Variants in SCMH1 observed in about 807,000 individuals in gnomAD.
SCMH1 encodes Scm polycomb group protein homolog 1.
A neutral mutation model predicts 70.8 loss-of-function variants in SCMH1; 37 were observed. That is an observed-to-expected ratio of 0.52 (90% CI 0.40 to 0.69). The LOEUF (loss-of-function observed/expected upper bound fraction) is 0.69. SCMH1 is among the 30% of genes least tolerant of loss of function. SCMH1 has a pLI of 0.00. For synonymous variants in SCMH1, 292 were observed against 307.4 expected (o/e 0.95, Z 0.52); for missense variants, 607 against 827.3 (o/e 0.73, Z 3.27).
intron 4 of SCMH1, among the ~76,000 whole-genome samples, chr1:41,154,412 A>G (rs1420737025): frequency 6.6e-6 from 1 of 152,182 alleles, no homozygotes; most frequent in Non-Finnish European, 1.5e-5. Flanking sequence ...TAATCCTTCC[A>G]AGCCTAAGTT....
At chr1:41,117,390 C>A (rs558459217) in intron 6 of SCMH1, among the ~76,000 whole-genome samples, 1 of 152,162 alleles carries the variant, frequency 6.6e-6, no homozygotes, top group African/African-American at 2.4e-5. Flanking sequence ...CTTGGTCTAG[C>A]GGTAACACCA....
At chr1:41,074,212 A>G (rs984225987) in intron 9 of SCMH1, among the ~76,000 whole-genome samples, 12 of 152,028 alleles carry the variant, frequency 7.9e-5, no homozygotes, top group African/African-American at 2.7e-4. Context: ...CTAGAATACT[A>G]GAAGTGTTGT....
intron 2 of SCMH1, among the ~76,000 whole-genome samples, chr1:41,183,123 T>C (rs1649282634): frequency 6.6e-6 from 1 of 152,224 alleles, no homozygotes; most frequent in Non-Finnish European, 1.5e-5. Context: ...TAATCCCTCT[T>C]GTCCTCCAAA....
At chr1:41,209,945 T>C (rs752604044) in intron 1 of SCMH1, among the ~76,000 whole-genome samples, 6 of 152,232 alleles carry the variant, frequency 3.9e-5, no homozygotes, top group Non-Finnish European at 7.3e-5. Flanking sequence ...GATGACATGA[T>C]TGCATATTTA....
rs180753293 is a variant in SCMH1 at position 41,084,319 on chromosome 1, C to G, written c.746-8868G>C. On this transcript the variant is annotated intron_variant, in intron 8 of 14. Coordinates refer to ENST00000337495, the Ensembl canonical transcript of SCMH1. ...ACCCCATCAAAAAGTGGGCGAAGGACATGAACAGACCCTTCTCAAAAGAAG... is the reference window on the plus strand; with the variant it reads ...ACCCCATCAAAAAGTGGGCGAAGGAGATGAACAGACCCTTCTCAAAAGAAG... Among the ~76,000 whole-genome samples the G allele has an allele frequency of 1.1e-4, 16 of 152,264 alleles. No individual in the cohort carries two copies. The East Asian group carries it at 3.1e-3, about 29-fold the overall frequency.
At chr1:41,093,554 T>A in intron 8 of SCMH1, among the ~76,000 whole-genome samples, 1 of 152,274 alleles carries the variant, frequency 6.6e-6, no homozygotes, top group African/African-American at 2.4e-5. Context: ...ATGTGAAAGT[T>A]GAAATAATAC....
chr1:41,111,681 C>T (rs976205487), intron 8 of SCMH1, among the ~76,000 whole-genome samples: 2 of 152,136 alleles, frequency 1.3e-5, no homozygotes, highest in African/African-American at 4.8e-5. Context: ...ATTCTAGTCA[C>T]AGCAGTCTGC....
At chr1:41,084,302 A>G (rs1229663557) in intron 8 of SCMH1, among the ~76,000 whole-genome samples, 1 of 152,222 alleles carries the variant, frequency 6.6e-6, no homozygotes, top group African/African-American at 2.4e-5. Context: ...CAACCCCATC[A>G]AAAAGTGGGC....
At chr1:41,218,451 T>G (rs1469880743) in intron 1 of SCMH1, among the ~76,000 whole-genome samples, 1 of 152,030 alleles carries the variant, frequency 6.6e-6, no homozygotes, top group Non-Finnish European at 1.5e-5. Flanking sequence ...AGCCAGAGAC[T>G]GGAGTAATAC....
In SCMH1 at chr1:41,048,688, A is replaced by G. The variant is rs1647134803; in HGVS notation, c.1306+2T>C. On this transcript the variant is annotated splice_donor_variant, in intron 11 of 14. Transcript: ENST00000337495. LOFTEE classifies it high-confidence loss of function. ...AGGCAATATGAGCCAAAGTGTGCTT[A>G]CCTGAGATAACCTCACCACCATGGC... The G allele has an allele frequency of 1.2e-6, 2 of 1,613,566 alleles. No homozygotes were observed. The highest frequency in any genetic ancestry group is 1.3e-5 in the African/African-American group (1 of 74,904).
chr1:41,162,663 C>A (rs1197899741), intron 2 of SCMH1: 2 of 152,210 alleles, frequency 1.3e-5, no homozygotes, highest in Admixed American at 1.3e-4. Context: ...GAGGAGCCAC[C>A]CACTCTAGGG....
At chr1:41,104,788 A>C (rs1443629128) in intron 8 of SCMH1, among the ~76,000 whole-genome samples, 1 of 152,090 alleles carries the variant, frequency 6.6e-6, no homozygotes, top group African/African-American at 2.4e-5. Flanking sequence ...GCTTATTAGG[A>C]AAAAAAGCTG....
intron 10 of SCMH1, among the ~76,000 whole-genome samples, chr1:41,069,826 T>C (rs569793033): frequency 4.6e-5 from 7 of 152,310 alleles, no homozygotes; most frequent in African/African-American, 1.7e-4. Context: ...TGGGAAACTA[T>C]GTCTGAGCCT....
intron 8 of SCMH1, among the ~76,000 whole-genome samples, chr1:41,093,526 T>TA (rs989728950): frequency 1.3e-5 from 2 of 152,092 alleles, no homozygotes; most frequent in African/African-American, 2.4e-5. Flanking sequence ...ATAATAATAA[T>TA]AAAAAAAGTT....
chr1:41,166,726 T>C (rs915114797), intron 2 of SCMH1, among the ~76,000 whole-genome samples: 6 of 152,244 alleles, frequency 3.9e-5, no homozygotes, highest in African/African-American at 1.4e-4. Context: ...ATTTGTCTAA[T>C]TCAAATGGTG....
intron 4 of SCMH1, chr1:41,159,979 A>C: frequency 2.2e-6 from 1 of 461,844 alleles, no homozygotes; most frequent in Non-Finnish European, 3.5e-6. Context: ...TTTACAAATA[A>C]GAAAACTAAG....
At chr1:41,103,047 T>C (rs1027494765) in intron 8 of SCMH1, among the ~76,000 whole-genome samples, 24 of 152,172 alleles carry the variant, frequency 1.6e-4, no homozygotes, top group Admixed American at 6.5e-5. Flanking sequence ...GTTTTTTTTC[T>C]ATTAAGTCAT....
intron 8 of SCMH1, among the ~76,000 whole-genome samples, chr1:41,083,025 AT>A: frequency 6.6e-6 from 1 of 152,216 alleles, no homozygotes; most frequent in Non-Finnish European, 1.5e-5. Context: ...ATCATACTGA[AT>A]GGGCCAACAC....
chr1:41,097,581 G>A (rs1193036051), intron 8 of SCMH1, among the ~76,000 whole-genome samples: 1 of 152,112 alleles, frequency 6.6e-6, no homozygotes, highest in Non-Finnish European at 1.5e-5. Flanking sequence ...CAATCCTCCT[G>A]CCTCAGTCTC....
Sources: allele counts gnomAD v4.1 joint callset (sites outside exome capture counted in the v4.1 genomes callset), GRCh38; gene constraint gnomAD v4.1.1; transcripts MANE v1.5; gene names NCBI Gene and HGNC (gene_info 2026-07-23, HGNC 2026-07-21).